ZNF366: variants seen among roughly 807,000 people sequenced by gnomAD.
The protein encoded by ZNF366 is dendritic cell-specific transcript protein.
In ZNF366, 20 loss-of-function variants were observed where a neutral mutation model predicts 47.2. That is an observed-to-expected ratio of 0.42 (90% CI 0.30 to 0.62). ZNF366 has a LOEUF of 0.62. Ranked by LOEUF, ZNF366 falls within the 20% of genes least tolerant of loss-of-function variation. The probability of loss-of-function intolerance (pLI) is 0.16; values close to 1 mark genes in which losing one functional copy is unlikely to be tolerated. For synonymous variants in ZNF366, 421 were observed against 395.1 expected (o/e 1.07, Z -0.78); for missense variants, 987 against 976.3 (o/e 1.01, Z -0.15).
chr5:72,454,623 A>G (rs1396500241), intron 3 of ZNF366, among the ~76,000 whole-genome samples: 1 of 152,198 alleles, frequency 6.6e-6, no homozygotes. Context: ...GGCTCTCTTC[A>G]TATTTTAGCA....
chr5:72,450,781 T>G (rs1427712289), intron 3 of ZNF366, among the ~76,000 whole-genome samples: 1 of 152,206 alleles, frequency 6.6e-6, no homozygotes, highest in Admixed American at 6.5e-5. Context: ...CACAGAAGAT[T>G]GTCCTCATCT....
At chr5:72,478,259 T>A (rs973264846) in intron 1 of ZNF366, among the ~76,000 whole-genome samples, 1 of 145,012 alleles carries the variant, frequency 6.9e-6, no homozygotes, top group Non-Finnish European at 1.5e-5. Context: ...TTCTTCAGTG[T>A]CTTGATATAC....
intron 3 of ZNF366, among the ~76,000 whole-genome samples, chr5:72,455,372 G>A (rs1357036486): frequency 1.3e-5 from 2 of 152,166 alleles, no homozygotes; most frequent in Non-Finnish European, 2.9e-5. Flanking sequence ...CAGGAATATA[G>A]ATCAGCAGAG....
chr5:72,464,283 G>T (rs901526542), intron 1 of ZNF366, among the ~76,000 whole-genome samples: 1 of 152,150 alleles, frequency 6.6e-6, no homozygotes, highest in Non-Finnish European at 1.5e-5. Flanking sequence ...TATACAACGT[G>T]CTGTAGCTTA....
At chr5:72,504,101 G>A (rs1184874481) in intron 1 of ZNF366, among the ~76,000 whole-genome samples, 1 of 151,516 alleles carries the variant, frequency 6.6e-6, no homozygotes, top group Non-Finnish European at 1.5e-5. Context: ...ACACACGCGT[G>A]CATGCACACA....
intron 1 of ZNF366, among the ~76,000 whole-genome samples, chr5:72,473,185 C>A (rs1473141397): frequency 1.3e-5 from 2 of 152,108 alleles, no homozygotes; most frequent in Non-Finnish European, 2.9e-5. Context: ...GATAAAACTG[C>A]CTGGAATGTG....
At chr5:72,449,086 T>G (rs1248034693) in intron 3 of ZNF366, among the ~76,000 whole-genome samples, 3 of 152,152 alleles carry the variant, frequency 2.0e-5, no homozygotes, top group Non-Finnish European at 4.4e-5. Flanking sequence ...TCCAACTTTC[T>G]CAAGAAAAGC....
intron 3 of ZNF366, among the ~76,000 whole-genome samples, chr5:72,449,099 T>A (rs768582519): frequency 6.6e-6 from 1 of 152,172 alleles, no homozygotes; most frequent in Non-Finnish European, 1.5e-5. Context: ...AGAAAAGCAA[T>A]ATGTAAGATA....
At chr5:72,491,431 GTTA>G (rs1339861560) in intron 1 of ZNF366, among the ~76,000 whole-genome samples, 1 of 152,208 alleles carries the variant, frequency 6.6e-6, no homozygotes, top group African/African-American at 2.4e-5. Context: ...GTCCAAGTAT[GTTA>G]TTAATATATC....
At chr5:72,476,446 G>A (rs1743676541) in intron 1 of ZNF366, among the ~76,000 whole-genome samples, 2 of 152,170 alleles carry the variant, frequency 1.3e-5, no homozygotes, top group Admixed American at 6.5e-5. Context: ...TCTACAATAA[G>A]GGAAGTGTGA....
At chr5:72,490,898 C>T (rs779971388) in intron 1 of ZNF366, among the ~76,000 whole-genome samples, 3 of 152,154 alleles carry the variant, frequency 2.0e-5, no homozygotes, top group Non-Finnish European at 4.4e-5. Flanking sequence ...CAAAGAACCC[C>T]AGCAGTGGTA....
chr5:72,500,420 A>G (rs571621285), intron 1 of ZNF366, among the ~76,000 whole-genome samples: 3 of 152,242 alleles, frequency 2.0e-5, no homozygotes, highest in South Asian at 2.1e-4. Context: ...CAGCTTTGTT[A>G]GATCTGGGGA....
At chr5:72,470,001 T>A (rs1743526464) in intron 1 of ZNF366, among the ~76,000 whole-genome samples, 1 of 152,174 alleles carries the variant, frequency 6.6e-6, no homozygotes, top group East Asian at 1.9e-4. Context: ...GCCCTGATCA[T>A]GCCACTGCAT....
chr5:72,452,169 A>G (rs1431638341), intron 3 of ZNF366, among the ~76,000 whole-genome samples: 3 of 152,220 alleles, frequency 2.0e-5, no homozygotes, highest in African/African-American at 7.2e-5. Context: ...GCAGCTGAGG[A>G]GAATGGCCTC....
At position 72,461,332 on chromosome 5, in the gene ZNF366, A is replaced by C. The variant is rs746826716; in HGVS notation, c.165T>G (p.Phe55Leu). The C allele has an allele frequency of 6.2e-6, 10 of 1,613,984 alleles. No homozygotes were observed. Among genetic ancestry groups the C allele is most frequent in the Non-Finnish European group, 6.8e-6 (8 of 1,179,978 alleles). ...GGTCTCCTGGGGGAGGTTCATACCGAAACTGGGAAAATGGCCCTCGGAGAG... is the reference window on the plus strand; with the variant it reads ...GGTCTCCTGGGGGAGGTTCATACCGCAACTGGGAAAATGGCCCTCGGAGAG... ...PEALRGPFSQ[F>L]RYEPPPGDLD... Residue 55 changes from phenylalanine (F) to leucine (L), a missense_variant, in exon 2 of 5, where the codon TTT becomes TTG. By Grantham distance (22) the Phe-to-Leu change is conservative (BLOSUM62 0). This residue lies in a region of ZNF366 where 591 missense variants were observed against 560.9 expected (regional missense o/e 1.05). Coordinates refer to ENST00000318442, the MANE Select transcript of ZNF366 (RefSeq NM_152625.3).
At position 72,447,382 on chromosome 5, in the gene ZNF366, C is replaced by G. The variant is rs1344878333; in HGVS notation, c.1560G>C (p.Leu520=). ...CTGAGTGCAGGTGCATGTGGCCCAT[C>G]AGGTTGTGCATCCGGTTGAATTCCT... ...CGKEFNRMHN[L]MGHMHLHSDS... Residue 520 remains leucine, a synonymous_variant, in exon 4 of 5, where the codon CTG becomes CTC. Coordinates refer to ENST00000318442, the MANE Select transcript of ZNF366 (RefSeq NM_152625.3). 1 of 1,614,188 alleles carries G rather than the reference C, an allele frequency of 6.2e-7. No homozygotes were observed. The highest frequency in any genetic ancestry group is 1.7e-5 in the Admixed American group (1 of 60,024).
intron 1 of ZNF366, among the ~76,000 whole-genome samples, chr5:72,465,384 G>A (rs888360271): frequency 3.9e-5 from 6 of 152,214 alleles, no homozygotes; most frequent in Non-Finnish European, 5.9e-5. Flanking sequence ...GAGTGTTGAA[G>A]GGAAAAGCAG....
intron 1 of ZNF366, among the ~76,000 whole-genome samples, chr5:72,465,297 A>C (rs1277805734): frequency 6.6e-6 from 1 of 152,172 alleles, no homozygotes; most frequent in Non-Finnish European, 1.5e-5. Context: ...CACCAGCACC[A>C]GGTGATAAGG....
intron 1 of ZNF366, among the ~76,000 whole-genome samples, 153 bp from the exon 2 acceptor site, chr5:72,461,663 C>A (rs541244615): frequency 6.6e-6 from 1 of 152,224 alleles, no homozygotes; most frequent in African/African-American, 2.4e-5. Flanking sequence ...TTCAAAATAT[C>A]GCTTTTCTTT....
Sources: allele counts gnomAD v4.1 joint callset (sites outside exome capture counted in the v4.1 genomes callset), GRCh38; gene constraint gnomAD v4.1.1; regional missense constraint gnomAD v4.1.1; transcripts MANE v1.5; gene names NCBI Gene and HGNC (gene_info 2026-07-23, HGNC 2026-07-21).